Variants in CD86 observed in about 807,000 individuals in gnomAD.
CD86 encodes the protein CD86 molecule.
Under a neutral mutation model 32.1 loss-of-function variants are expected in CD86, and 11 were observed. The observed-to-expected ratio is 0.34, with a 90% CI of 0.22 to 0.57. The LOEUF (loss-of-function observed/expected upper bound fraction) is 0.57. CD86 is among the 20% of genes least tolerant of loss of function. CD86 has a pLI of 0.86. For missense variants in CD86, 359 were observed against 398.4 expected, an observed-to-expected ratio of 0.90 and a Z score of 0.84; for synonymous variants, 137 against 135.3, an observed-to-expected ratio of 1.01 and a Z score of -0.09.
rs970817499 is a variant in CD86, at chr3:122,081,524, T to C, written c.15-10077T>C. Among the ~76,000 whole-genome samples, 12 of 152,310 alleles carry C rather than the reference T, an allele frequency of 7.9e-5. 1 individual carries two copies. The highest frequency in any genetic ancestry group is 6.2e-4 in the South Asian group (3 of 4,822). ...AGGAATCTGTCTAGGGAAGAATTAT[T>C]GGAAGCTTGCAAAGCCTTTCAAGGA... is the stretch of plus-strand genomic sequence containing the variant. On this transcript the variant is annotated intron_variant, in intron 1 of 6. Coordinates refer to ENST00000330540, the MANE Select transcript of CD86 (RefSeq NM_175862.5).
chr3:122,109,867 C>T (rs1435986761), intron 5 of CD86, among the ~76,000 whole-genome samples: 1 of 152,028 alleles, frequency 6.6e-6, no homozygotes, highest in Non-Finnish European at 1.5e-5. Flanking sequence ...GAATTATTGC[C>T]CATTGACTTA....
intron 1 of CD86, among the ~76,000 whole-genome samples, chr3:122,059,128 G>T (rs996826566): frequency 6.6e-6 from 1 of 152,092 alleles, no homozygotes; most frequent in Admixed American, 6.5e-5. Context: ...AGATGTCCAA[G>T]CAGACAAGTA....
intron 1 of CD86, among the ~76,000 whole-genome samples, chr3:122,067,084 G>C (rs949625424): frequency 6.6e-6 from 1 of 152,152 alleles, no homozygotes; most frequent in African/African-American, 2.4e-5. Flanking sequence ...TGGTGGGGAA[G>C]ATGGTCACGG....
chr3:122,061,740 T>C (rs943484671), intron 1 of CD86, among the ~76,000 whole-genome samples: 1 of 152,324 alleles, frequency 6.6e-6, no homozygotes, highest in Non-Finnish European at 1.5e-5. Context: ...ACATTGCTTG[T>C]TGGGAATGTA....
intron 5 of CD86, among the ~76,000 whole-genome samples, chr3:122,112,197 A>G (rs911522358): frequency 6.6e-5 from 10 of 152,250 alleles, no homozygotes; most frequent in Admixed American, 1.3e-4. Context: ...ATGCCCTAGC[A>G]ACAACGGTTT....
chr3:122,112,350 C>G (rs1169080329), intron 5 of CD86, among the ~76,000 whole-genome samples: 1 of 151,748 alleles, frequency 6.6e-6, no homozygotes, highest in African/African-American at 2.4e-5. Flanking sequence ...CAGAGCCTCA[C>G]TCTGTCACCA....
intron 2 of CD86, among the ~76,000 whole-genome samples, chr3:122,096,209 G>A (rs1420254366): frequency 6.6e-5 from 10 of 152,110 alleles, no homozygotes; most frequent in Admixed American, 5.9e-4. Context: ...GGCACTATAA[G>A]TACATGCCAC....
chr3:122,086,683 A>C, intron 1 of CD86: 1 of 451,308 alleles, frequency 2.2e-6, no homozygotes, highest in African/African-American at 2.0e-5. Flanking sequence ...TTGCAGAATG[A>C]ACAGCAGCTC....
intron 1 of CD86, among the ~76,000 whole-genome samples, chr3:122,082,187 C>CAA (rs2072644084): frequency 6.6e-6 from 1 of 152,192 alleles, no homozygotes; most frequent in Admixed American, 6.5e-5. Context: ...GGGAGCTTAT[C>CAA]ACCTCACAAG....
intron 1 of CD86, among the ~76,000 whole-genome samples, chr3:122,083,857 TATA>T (rs1243764041): frequency 3.3e-5 from 5 of 152,246 alleles, no homozygotes; most frequent in African/African-American, 7.2e-5. Flanking sequence ...ATGTTGAGAT[TATA>T]ATATTTCACA....
chr3:122,097,404 T>C (rs1246091483), intron 2 of CD86, among the ~76,000 whole-genome samples: 1 of 152,118 alleles, frequency 6.6e-6, no homozygotes, highest in Non-Finnish European at 1.5e-5. Flanking sequence ...GAGGAGCCAA[T>C]TATAGCAGCA....
At chr3:122,088,404 A>G (rs1470060964) in intron 1 of CD86, among the ~76,000 whole-genome samples, 1 of 152,174 alleles carries the variant, frequency 6.6e-6, no homozygotes, top group Non-Finnish European at 1.5e-5. Context: ...TTTTATACAT[A>G]GAAAATTAAT....
At chr3:122,061,930 T>C (rs2072342248) in intron 1 of CD86, among the ~76,000 whole-genome samples, 1 of 152,064 alleles carries the variant, frequency 6.6e-6, no homozygotes, top group East Asian at 1.9e-4. Flanking sequence ...AGTAAAAAAC[T>C]GGGGAAAAAA....
chr3:122,091,397 T>A (rs1268892567), intron 1 of CD86, among the ~76,000 whole-genome samples: 1 of 152,168 alleles, frequency 6.6e-6, no homozygotes, highest in Non-Finnish European at 1.5e-5. Context: ...ATGGCCTGTA[T>A]AACTGCAGGG....
In CD86 at chr3:122,118,029, T is replaced by C; in HGVS notation, c.848-19T>C. 1 of 1,610,440 alleles carries C rather than the reference T, an allele frequency of 6.2e-7. No homozygotes were observed. The highest frequency in any genetic ancestry group is 8.5e-7 in the Non-Finnish European group (1 of 1,176,950). ...CTAGGAGGAATACATTTTTGAAGATTGTTCTTGGTGTCTTTCAGGAACCAA... is the reference window on the plus strand; with the variant it reads ...CTAGGAGGAATACATTTTTGAAGATCGTTCTTGGTGTCTTTCAGGAACCAA... On this transcript the variant is annotated intron_variant, in intron 5 of 6. Transcript: ENST00000330540.
intron 1 of CD86, among the ~76,000 whole-genome samples, chr3:122,081,217 C>T (rs1267450559): frequency 6.6e-6 from 1 of 152,190 alleles, no homozygotes; most frequent in Non-Finnish European, 1.5e-5. Flanking sequence ...TGCTGCAGGC[C>T]AGTCAGCTTT....
At chr3:122,083,092 A>G (rs1314642177) in intron 1 of CD86, among the ~76,000 whole-genome samples, 2 of 152,158 alleles carry the variant, frequency 1.3e-5, no homozygotes, top group Admixed American at 1.3e-4. Context: ...TTCACCTGCT[A>G]CTATCCCAGA....
chr3:122,093,037 C>A (rs1290362954), intron 2 of CD86, among the ~76,000 whole-genome samples: 1 of 152,206 alleles, frequency 6.6e-6, no homozygotes. Flanking sequence ...GGCCCATGAC[C>A]TGCTACCTTA....
intron 2 of CD86, among the ~76,000 whole-genome samples, chr3:122,097,472 G>A (rs991993284): frequency 3.3e-5 from 5 of 152,170 alleles, no homozygotes; most frequent in African/African-American, 1.2e-4. Flanking sequence ...TAATCAAGAG[G>A]CTAAAATGGG....
Sources: allele counts gnomAD v4.1 joint callset (sites outside exome capture counted in the v4.1 genomes callset), GRCh38; gene constraint gnomAD v4.1.1; transcripts MANE v1.5; gene names NCBI Gene and HGNC (gene_info 2026-07-23, HGNC 2026-07-21).